The following COL4A2 variants were observed in gnomAD, a reference collection of about 807,000 sequenced individuals.
The protein encoded by COL4A2 is collagen alpha-2(IV) chain.
A neutral mutation model predicts 200.2 loss-of-function variants in COL4A2; 99 were observed. That is an observed-to-expected ratio of 0.49 (90% CI 0.42 to 0.58). The LOEUF (loss-of-function observed/expected upper bound fraction) is 0.58, where lower values mean the gene tolerates loss of function less well. Among genes scored for constraint, COL4A2 ranks in the 20% least tolerant of loss-of-function variants. The pLI is 0.00. For missense variants in COL4A2, 1,950 were observed against 2,314.1 expected (o/e 0.84, Z 3.23); for synonymous variants, 897 against 900.6 (o/e 1.00, Z 0.07).
chr13:110,407,324 G>A (rs1164517253), intron 4 of COL4A2, among the ~76,000 whole-genome samples: 1 of 152,178 alleles, frequency 6.6e-6, no homozygotes, highest in Non-Finnish European at 1.5e-5. Flanking sequence ...AGTTCACCAG[G>A]AGAAACGTGG....
chr13:110,469,362 C>T, intron 28 of COL4A2, 38 bp downstream of exon 28: 5 of 1,542,680 alleles, frequency 3.2e-6, no homozygotes, highest in Non-Finnish European at 3.5e-6. Context: ...CCCCTGGGTT[C>T]CAGCGGGAAC....
intron 4 of COL4A2, among the ~76,000 whole-genome samples, chr13:110,399,712 A>G (rs2139429733): frequency 6.6e-6 from 1 of 152,352 alleles, no homozygotes; most frequent in South Asian, 2.1e-4. Context: ...AATGTTTAAA[A>G]TGCAAATTCC....
At chr13:110,470,947 G>A (rs1477735655) in intron 28 of COL4A2, among the ~76,000 whole-genome samples, 21 of 152,090 alleles carry the variant, frequency 1.4e-4, no homozygotes, top group Admixed American at 1.4e-3. Flanking sequence ...TCCTGTGTCT[G>A]TATCAAGGCC....
At chr13:110,450,578 T>G (rs948861209) in intron 20 of COL4A2, 124 bp downstream of exon 20, 18 of 1,122,160 alleles carry the variant, frequency 1.6e-5, no homozygotes, top group Non-Finnish European at 1.9e-5. Flanking sequence ...GGCCAGTGAT[T>G]AGGGTGCAGT....
At chr13:110,345,937 G>A (rs191984315) in intron 3 of COL4A2, among the ~76,000 whole-genome samples, 16 of 152,296 alleles carry the variant, frequency 1.1e-4, no homozygotes, top group African/African-American at 3.1e-4. Flanking sequence ...TCTCAGAATA[G>A]TGCCAGCTGT....
Position 110,404,995 on chromosome 13 carries a change from G to A in COL4A2, c.181-19739G>A, listed in dbSNP as rs982037939. On this transcript the variant is annotated intron_variant, in intron 4 of 47. Coordinates refer to ENST00000360467, the MANE Select transcript of COL4A2 (RefSeq NM_001846.4). ...CCAGGCATGATGGTGCATGCCTGTA[G>A]TCTCAGCTACTCAGAAAGTTGAGAA... 5.9e-5 allele frequency among the ~76,000 whole-genome samples: 9 copies of A among 152,182 alleles called. No individual in the cohort carries two copies. In the East Asian group the frequency reaches 1.7e-3, roughly 29 times the overall value.
At chr13:110,327,416 A>T (rs563594387) in intron 3 of COL4A2, among the ~76,000 whole-genome samples, 1 of 152,168 alleles carries the variant, frequency 6.6e-6, no homozygotes, top group Non-Finnish European at 1.5e-5. Context: ...TCCAAAACAC[A>T]ATCTGTGATA....
chr13:110,492,925 T>TGGGTGACAGTATC (rs1405698634), intron 38 of COL4A2, among the ~76,000 whole-genome samples: 1 of 152,178 alleles, frequency 6.6e-6, no homozygotes, highest in East Asian at 1.9e-4. Flanking sequence ...CAGGATTGTA[T>TGGGTGACAGTATC]GGGTGACAGT....
At chr13:110,433,472 A>T (rs1394993051) in intron 11 of COL4A2, among the ~76,000 whole-genome samples, 1 of 152,192 alleles carries the variant, frequency 6.6e-6, no homozygotes, top group Non-Finnish European at 1.5e-5. Context: ...CACAAATTGC[A>T]TTCTAATCCA....
intron 30 of COL4A2, among the ~76,000 whole-genome samples, chr13:110,478,942 C>T (rs1427863474): frequency 6.6e-6 from 1 of 152,210 alleles, no homozygotes; most frequent in Non-Finnish European, 1.5e-5. Flanking sequence ...CAGCTTTGTC[C>T]AGGACCTTAG....
At chr13:110,336,446 G>A (rs1334821018) in intron 3 of COL4A2, among the ~76,000 whole-genome samples, 1 of 152,212 alleles carries the variant, frequency 6.6e-6, no homozygotes, top group African/African-American at 2.4e-5. Context: ...CCTGGGAGGT[G>A]GGATAACAAT....
intron 46 of COL4A2, 146 bp from the exon 47 acceptor site, chr13:110,507,789 T>G (rs953412049): frequency 2.7e-6 from 2 of 749,806 alleles, no homozygotes; most frequent in East Asian, 5.1e-5. Context: ...TTGGGAAGCC[T>G]TAGCCTGGCC....
intron 3 of COL4A2, among the ~76,000 whole-genome samples, chr13:110,344,447 A>G (rs1876612731): frequency 6.6e-6 from 1 of 152,236 alleles, no homozygotes; most frequent in Non-Finnish European, 1.5e-5. Flanking sequence ...GTTACAGCAC[A>G]TCTCCTCTAA....
chr13:110,488,954 G>T (rs1883195935), intron 34 of COL4A2, among the ~76,000 whole-genome samples: 1 of 152,200 alleles, frequency 6.6e-6, no homozygotes, highest in African/African-American at 2.4e-5. Flanking sequence ...GCAAGGCCAG[G>T]TGCAGTGGCT....
intron 4 of COL4A2, among the ~76,000 whole-genome samples, chr13:110,412,842 C>T (rs866901586): frequency 7.9e-5 from 12 of 152,222 alleles, no homozygotes; most frequent in Non-Finnish European, 1.5e-4. Flanking sequence ...ATGCTGAGCG[C>T]GGGCCTCACT....
chr13:110,486,598 C>T (rs947484225), intron 34 of COL4A2, among the ~76,000 whole-genome samples: 1 of 152,184 alleles, frequency 6.6e-6, no homozygotes, highest in African/African-American at 2.4e-5. Context: ...TGATGTGTTT[C>T]AGTCGCGTCC....
In COL4A2 at chr13:110,491,749, G is replaced by C. The variant is rs403241; in HGVS notation, c.3455-321G>C. 0.29 allele frequency among the ~76,000 whole-genome samples: 43,711 copies of C among 152,106 alleles called. 6,493 individuals carry two copies. Among genetic ancestry groups the C allele is most frequent in the African/African-American group, 0.36 (14,843 of 41,478 alleles). ...CTGCTTTCTGTGTTTACTCAGCACC[G>C]GGGAATGCCAAGAGGCTCATCTCTC... On this transcript the variant is annotated intron_variant, in intron 37 of 47. Transcript: ENST00000360467.
chr13:110,314,058 C>T (rs750557877), intron 3 of COL4A2, among the ~76,000 whole-genome samples: 5 of 152,212 alleles, frequency 3.3e-5, no homozygotes, highest in Admixed American at 6.5e-5. Context: ...AGAAAAGCTG[C>T]ACTAGTGGAA....
chr13:110,383,099 A>AT (rs1418997107), intron 4 of COL4A2, among the ~76,000 whole-genome samples: 4 of 152,220 alleles, frequency 2.6e-5, no homozygotes. Context: ...AATGTACCAC[A>AT]TTTTTTAAGT....
Sources: allele counts gnomAD v4.1 joint callset (sites outside exome capture counted in the v4.1 genomes callset), GRCh38; gene constraint gnomAD v4.1.1; transcripts MANE v1.5; gene names NCBI Gene and HGNC (gene_info 2026-07-23, HGNC 2026-07-21).